The following CD99L2 variants were observed in gnomAD, a reference collection of about 807,000 sequenced individuals.
The protein encoded by CD99L2 is CD99 molecule like 2.
CD99L2 carries 24 observed loss-of-function variants against 27.3 expected under a neutral mutation model. That is an observed-to-expected ratio of 0.88 (90% CI 0.64 to 1.24). The LOEUF (loss-of-function observed/expected upper bound fraction) is 1.24. CD99L2 is among the 50% of genes most tolerant of loss of function. The pLI is 0.00. For missense variants in CD99L2, 255 were observed against 221.6 expected (o/e 1.15, Z -0.96); for synonymous variants, 97 against 87.9 (o/e 1.10, Z -0.58).
intron 1 of CD99L2, among the ~76,000 whole-genome samples, chrX:150,890,317 GA>G (rs2047489997): frequency 9.5e-6 from 1 of 105,519 alleles, no homozygotes; most frequent in Admixed American, 1.0e-4. Flanking sequence ...CGTCTCTACT[GA>G]AAATACAAAA....
chrX:150,792,438 T>A (rs1288193396), intron 7 of CD99L2, among the ~76,000 whole-genome samples: 1 of 112,246 alleles, frequency 8.9e-6, no homozygotes, highest in Admixed American at 9.5e-5. Context: ...TCCTGACACC[T>A]GTAGGTTTCA....
chrX:150,872,542 T>TAAAAA (rs782797816), intron 1 of CD99L2, among the ~76,000 whole-genome samples: 1 of 83,990 alleles, frequency 1.2e-5, no homozygotes, highest in Non-Finnish European at 2.3e-5. Context: ...CTCAATATGT[T>TAAAAA]AAAAAAAAAA....
intron 4 of CD99L2, 115 bp from the exon 5 acceptor site, chrX:150,795,601 C>T (rs1294401989): frequency 1.9e-5 from 13 of 676,516 alleles, no homozygotes; most frequent in Non-Finnish European, 2.5e-5. Context: ...CTTGAGGCTC[C>T]TATAGGACCT....
chrX:150,848,249 T>C (rs1395183495), intron 1 of CD99L2, among the ~76,000 whole-genome samples: 1 of 110,848 alleles, frequency 9.0e-6, no homozygotes, highest in Non-Finnish European at 1.9e-5. Flanking sequence ...GTTAACAATA[T>C]GGGTGAACCT....
Position 150,785,299 on chromosome X carries a change from A to G in CD99L2, c.497-7817T>C, listed in dbSNP as rs782438798. Among the ~76,000 whole-genome samples the G allele has an allele frequency of 2.7e-4, 30 of 110,995 alleles. No homozygotes were observed. The Middle Eastern group carries it at 0.014, about 51-fold the overall frequency. On this transcript the variant is annotated intron_variant, in intron 7 of 10. Coordinates refer to ENST00000370377, the MANE Select transcript of CD99L2 (RefSeq NM_031462.4). The stretch of plus-strand genomic sequence containing the variant: ...TTAAGAAAAATTTCAAACATACAAA[A>G]AAGTTTAAAACTTCTTGCAGTGAAC...
At chrX:150,776,109 T>C in intron 9 of CD99L2, 65 bp downstream of exon 9, 1 of 1,179,221 alleles carries the variant, frequency 8.5e-7, no homozygotes, top group East Asian at 3.0e-5. Context: ...GGATCTGTCC[T>C]GGCCCCTTTC....
chrX:150,853,515 T>C (rs1394114448), intron 1 of CD99L2, among the ~76,000 whole-genome samples: 1 of 111,070 alleles, frequency 9.0e-6, no homozygotes, highest in Non-Finnish European at 1.9e-5. Context: ...AGGTAAAGCA[T>C]AGTGTTCGAT....
chrX:150,800,041 C>A (rs2045879079), intron 4 of CD99L2, among the ~76,000 whole-genome samples: 1 of 112,172 alleles, frequency 8.9e-6, no homozygotes, highest in African/African-American at 3.2e-5. Flanking sequence ...CAATATTATT[C>A]AGGCTTAAAA....
rs1557419866 is a variant in CD99L2, at chrX:150,795,276, G to A, written c.360C>T (p.Asp120=). Residue 120 remains aspartate, a synonymous_variant, in exon 6 of 11, where the codon GAC becomes GAT. Coordinates refer to ENST00000370377, the MANE Select transcript of CD99L2 (RefSeq NM_031462.4). The stretch of plus-strand genomic sequence containing the variant: ...TTCGATCATCCAGGGCATCAGCCAA[G>A]TCAAAATCATTTCCTTCATGGGGTC... The part of the protein sequence containing the change: ...APANTLGNDF[D]LADALDDRND... 4 of 1,210,241 alleles carry A rather than the reference G, an allele frequency of 3.3e-6. No individual in the cohort carries two copies. In the East Asian group the frequency reaches 8.9e-5, roughly 27 times the overall value.
rs147120185 is a variant in CD99L2, at chrX:150,883,533, G to C, written c.67+14989C>G. ...GGATTGCAAGAAAGGCTGCCTTGAT[G>C]ATGGCAAAACAAAGCGAAAATGGTA... On this transcript the variant is annotated intron_variant, in intron 1 of 10. Transcript: ENST00000370377. Among the ~76,000 whole-genome samples, 852 of 111,471 alleles carry C rather than the reference G, an allele frequency of 7.6e-3. 7 individuals are homozygous for C. Among genetic ancestry groups the C allele is most frequent in the African/African-American group, 0.026 (809 of 30,649 alleles).
chrX:150,861,290 G>A (rs1048876590), intron 1 of CD99L2, among the ~76,000 whole-genome samples: 17 of 111,087 alleles, frequency 1.5e-4, no homozygotes, highest in African/African-American at 5.6e-4. Context: ...CCAACAAGGA[G>A]CCCAAATAGC....
At chrX:150,876,300 T>C (rs782414982) in intron 1 of CD99L2, among the ~76,000 whole-genome samples, 2 of 112,210 alleles carry the variant, frequency 1.8e-5, no homozygotes, top group South Asian at 3.7e-4. Flanking sequence ...CGAAGAAGGG[T>C]GAAGTGAACC....
At chrX:150,797,674 T>C (rs782286264) in intron 4 of CD99L2, among the ~76,000 whole-genome samples, 8 of 112,057 alleles carry the variant, frequency 7.1e-5, no homozygotes, top group South Asian at 3.7e-4. Flanking sequence ...TAAAACTTAC[T>C]ACAAAACTAC....
intron 1 of CD99L2, among the ~76,000 whole-genome samples, chrX:150,868,624 A>C (rs2047108013): frequency 8.9e-6 from 1 of 112,238 alleles, no homozygotes; most frequent in African/African-American, 3.2e-5. Context: ...TGTATCCTTT[A>C]CAAAATCTCT....
intron 7 of CD99L2, among the ~76,000 whole-genome samples, chrX:150,781,730 C>T (rs1418149566): frequency 9.0e-6 from 1 of 111,682 alleles, no homozygotes; most frequent in Non-Finnish European, 1.9e-5. Flanking sequence ...CAATAGGGAC[C>T]GTCACTGTAG....
chrX:150,842,068 T>C lies in CD99L2; in HGVS notation c.68-10775A>G, dbSNP rs782567310. Among the ~76,000 whole-genome samples the C allele has an allele frequency of 4.5e-5, 5 of 111,760 alleles. No homozygotes were observed. In the East Asian group the frequency reaches 1.1e-3, roughly 25 times the overall value. ...CATAGGCTCAATTCACAACCCGCAG[T>C]CCCTGTATCTGGGCAGCCAGTATTC... On this transcript the variant is annotated intron_variant, in intron 1 of 10. Transcript: ENST00000370377.
At chrX:150,828,606 CA>C (rs1248045746) in intron 2 of CD99L2, 1 of 111,659 alleles carries the variant, frequency 9.0e-6, no homozygotes, top group Non-Finnish European at 1.9e-5. Context: ...AGAATGTGAA[CA>C]ATTTACCAAA....
chrX:150,826,161 G>A (rs1289270044), intron 2 of CD99L2, among the ~76,000 whole-genome samples: 1 of 111,744 alleles, frequency 8.9e-6, no homozygotes, highest in Non-Finnish European at 1.9e-5. Flanking sequence ...GCACAGAGCA[G>A]CCCTCACCAG....
chrX:150,824,302 G>A (rs2046304253), intron 2 of CD99L2, among the ~76,000 whole-genome samples: 2 of 80,425 alleles, frequency 2.5e-5, no homozygotes, highest in Admixed American at 1.4e-4. Context: ...AGAAGAAGAA[G>A]AAGAGGAGGA....
Sources: gnomAD v4.1 joint callset for allele counts (sites outside exome capture counted in the v4.1 genomes callset) on GRCh38, gnomAD v4.1.1 for gene constraint, MANE v1.5 for transcripts, NCBI Gene and HGNC (gene_info 2026-07-23, HGNC 2026-07-21) for gene names.